Variants in DDX47 observed in about 807,000 individuals in gnomAD.
The protein encoded by DDX47 is probable ATP-dependent RNA helicase DDX47.
Under a neutral mutation model 58.8 loss-of-function variants are expected in DDX47, and 60 were observed. The ratio of observed to expected loss-of-function variants is 1.02; its 90% CI spans 0.83 to 1.26. The LOEUF (loss-of-function observed/expected upper bound fraction) is 1.26, where lower values mean the gene tolerates loss of function less well. Ranked by LOEUF, DDX47 falls within the 50% of genes most tolerant of loss-of-function variation. The probability of loss-of-function intolerance (pLI) is 0.00; values close to 1 mark genes in which losing one functional copy is unlikely to be tolerated. For synonymous variants in DDX47, 197 were observed against 204.6 expected, an observed-to-expected ratio of 0.96 and a Z score of 0.32; for missense variants, 530 against 573.2, an observed-to-expected ratio of 0.92 and a Z score of 0.77.
intron 11 of DDX47, among the ~76,000 whole-genome samples, chr12:12,827,627 G>A (rs1829556369): frequency 6.6e-6 from 1 of 152,158 alleles, no homozygotes; most frequent in African/African-American, 2.4e-5. Context: ...CACGTGGTGA[G>A]ATAGTTCATC....
intron 10 of DDX47, among the ~76,000 whole-genome samples, chr12:12,826,634 G>C (rs1863056336): frequency 6.6e-6 from 1 of 152,104 alleles, no homozygotes; most frequent in Non-Finnish European, 1.5e-5. Flanking sequence ...ATTTTTAGTA[G>C]AGATAGGGTT....
chr12:12,817,979 C>T (rs1433567100), intron 2 of DDX47, among the ~76,000 whole-genome samples: 1 of 152,194 alleles, frequency 6.6e-6, no homozygotes, highest in South Asian at 2.1e-4. Context: ...AAAAAAAGGA[C>T]AAATCCTAGT....
chr12:12,820,901 C>T lies in DDX47; in HGVS notation c.182-307C>T, dbSNP rs1592322570. The T allele has an allele frequency of 8.0e-6, 3 of 373,436 alleles. No individual in the cohort carries two copies. In the East Asian group the frequency reaches 2.0e-4, roughly 24 times the overall value. 23.1% of individuals were successfully genotyped at this position (373,436 alleles called of 1,614,324 possible). A position where few individuals can be genotyped will look rare whatever the true frequency, so the allele number is the denominator to read the frequency against. On this transcript the variant is annotated intron_variant, in intron 2 of 11. Transcript: ENST00000358007. ...TCCAGTTTTAACTCACTTATCACCT[C>T]TGTTAGCCTTTTCTGACTCTTCTGG...
Position 12,824,631 on chromosome 12 carries a change from C to T in DDX47, c.989C>T (p.Pro330Leu). Reference sequence around the variant, plus strand: ...GTTGCCAGCCGAGGTTTGGACATACCTCATGTAGATGTGGTTGTCAACTTT... The same window carrying T: ...GTTGCCAGCCGAGGTTTGGACATACTTCATGTAGATGTGGTTGTCAACTTT... ...TDVASRGLDIPHVDVVVNFDI... is the reference protein window; with the variant it reads ...TDVASRGLDILHVDVVVNFDI... Residue 330 changes from proline to leucine, a missense_variant, in exon 9 of 12, where the codon CCT (proline) becomes CTT (leucine). Transcript: ENST00000358007. The T allele has an allele frequency of 1.9e-6, 3 of 1,614,210 alleles. No homozygotes were observed. The highest frequency in any genetic ancestry group is 2.5e-6 in the Non-Finnish European group (3 of 1,180,026).
chr12:12,825,891 G>A, intron 9 of DDX47, 109 bp from the exon 10 acceptor site: 6 of 788,498 alleles, frequency 7.6e-6, no homozygotes, highest in South Asian at 4.3e-5. Flanking sequence ...TCCATGTTAC[G>A]AAATGAATCT....
chr12:12,826,584 A>G (rs2136425870), intron 10 of DDX47, among the ~76,000 whole-genome samples: 1 of 152,062 alleles, frequency 6.6e-6, no homozygotes, highest in African/African-American at 2.4e-5. Context: ...AGTAGCTGGG[A>G]CCACAGGTGC....
At chr12:12,817,596 A>G (rs1377339087) in intron 2 of DDX47, among the ~76,000 whole-genome samples, 1 of 152,212 alleles carries the variant, frequency 6.6e-6, no homozygotes, top group African/African-American at 2.4e-5. Flanking sequence ...GGAATTTCAA[A>G]CAATTTATTA....
chr12:12,821,611 A>G, intron 3 of DDX47, 44 bp from the exon 4 acceptor site: 3 of 1,589,892 alleles, frequency 1.9e-6, no homozygotes, highest in Admixed American at 1.7e-5. Flanking sequence ...TGGACTGTGG[A>G]AAAAATTAAG....
chr12:12,823,225 C>T lies in DDX47; in HGVS notation c.656C>T (p.Ala219Val), dbSNP rs763099966. The T allele has an allele frequency of 1.9e-6, 3 of 1,613,650 alleles. No individual in the cohort carries two copies. Among genetic ancestry groups the T allele is most frequent in the Non-Finnish European group, 2.5e-6 (3 of 1,179,534 alleles). Residue 219 changes from alanine (A) to valine (V), a missense_variant, in exon 7 of 12, where the codon GCT becomes GTT. Ala to Val is a moderately conservative substitution (Grantham distance 64). Transcript: ENST00000358007. ...CAGGTTCAAAAACTTCAGCGAGCAG[C>T]TCTGAAGAATCCTGTGAAATGTGCC... Reference protein sequence around the residue: ...TKKVQKLQRAALKNPVKCAVS... With the variant: ...TKKVQKLQRAVLKNPVKCAVS...
intron 6 of DDX47, 97 bp downstream of exon 6, chr12:12,822,829 T>G (rs1451938557): frequency 9.7e-7 from 1 of 1,031,184 alleles, no homozygotes; most frequent in African/African-American, 1.6e-5. Context: ...TTTAGTCCGT[T>G]TTCACACTGC....
At position 12,829,626 on chromosome 12, in the gene DDX47, G is replaced by T. The variant is rs1863102824; in HGVS notation, c.*72G>T. ...GGAGAATGAAACCTGCTCCAACAGAGATCATGAGACTGAAATTGGTCAGAA... is the reference window on the plus strand; with the variant it reads ...GGAGAATGAAACCTGCTCCAACAGATATCATGAGACTGAAATTGGTCAGAA... On this transcript the variant is annotated 3_prime_UTR_variant, in exon 12 of 12. Transcript: ENST00000358007. 6.5e-7 allele frequency: 1 copy of T among 1,540,850 alleles called. No individual in the cohort carries two copies. The highest frequency in any genetic ancestry group is 1.2e-5 in the South Asian group (1 of 80,138).
At position 12,826,970 on chromosome 12, in the gene DDX47, T is replaced by C. The variant is rs1863060672; in HGVS notation, c.1107-276T>C. The stretch of plus-strand genomic sequence containing the variant: ...TGGCATCTCACTGTGTTGTCCAGGC[T>C]GGTCTGGAACTCCTGGTCTCAAGTG... On this transcript the variant is annotated intron_variant, in intron 10 of 11. Transcript: ENST00000358007. Among the ~76,000 whole-genome samples the C allele has an allele frequency of 3.9e-5, 6 of 152,184 alleles. No homozygotes were observed. In the South Asian group the frequency reaches 1.2e-3, roughly 31 times the overall value.
intron 3 of DDX47, 52 bp from the exon 4 acceptor site, chr12:12,821,603 G>T: frequency 2.6e-6 from 4 of 1,560,366 alleles, no homozygotes; most frequent in Non-Finnish European, 3.5e-6. Flanking sequence ...ATGTTCAGTG[G>T]ACTGTGGAAA....
intron 2 of DDX47, among the ~76,000 whole-genome samples, chr12:12,815,883 C>T (rs746172026): frequency 1.3e-5 from 2 of 152,116 alleles, no homozygotes; most frequent in East Asian, 1.9e-4. Flanking sequence ...AATCTCATAG[C>T]TGTGAAAGAT....
Position 12,829,472 on chromosome 12 carries a change from G to A in DDX47, c.1286G>A (p.Gly429Glu). The A allele has an allele frequency of 6.2e-7, 1 of 1,613,890 alleles. No individual in the cohort carries two copies. Among genetic ancestry groups the A allele is most frequent in the Admixed American group, 1.7e-5 (1 of 59,980 alleles). The change falls in exon 12 of 12, where the codon GGA (glycine) becomes GAA (glutamate). Residue 429 changes from glycine to glutamate, a missense_variant. By Grantham distance (98) the Gly-to-Glu change is moderately conservative. Transcript: ENST00000358007. ...AAGAAACGCTCGCGAGAGGATGCTG[G>A]AGATAATGATGACACAGAGGGTGCT... The part of the protein sequence containing the change: ...EKKKRSREDA[G>E]DNDDTEGAIG...
intron 4 of DDX47, 47 bp from the exon 5 acceptor site, chr12:12,821,918 T>C (rs528402003): frequency 2.3e-6 from 3 of 1,328,984 alleles, no homozygotes; most frequent in Non-Finnish European, 3.2e-6. Context: ...GTTTTTTTTT[T>C]GTCCTGTTCT....
intron 2 of DDX47, chr12:12,814,703 A>G (rs773248603): frequency 7.6e-5 from 12 of 157,360 alleles, no homozygotes; most frequent in Non-Finnish European, 1.7e-4. Context: ...TTTTTTTGAG[A>G]TAGAGTTTCG....
intron 11 of DDX47, among the ~76,000 whole-genome samples, chr12:12,829,037 T>C (rs909689276): frequency 2.0e-5 from 3 of 152,206 alleles, no homozygotes; most frequent in African/African-American, 7.2e-5. Context: ...AGAAGTACAC[T>C]TGTTGGGCCA....
chr12:12,820,874 C>G, intron 2 of DDX47: 1 of 302,794 alleles, frequency 3.3e-6, no homozygotes, highest in Non-Finnish European at 6.2e-6. Context: ...TCTTTGCTTA[C>G]TTCCAGTTTT....
Sources: allele counts gnomAD v4.1 joint callset (sites outside exome capture counted in the v4.1 genomes callset), GRCh38; gene constraint gnomAD v4.1.1; transcripts MANE v1.5; gene names NCBI Gene and HGNC (gene_info 2026-07-23, HGNC 2026-07-21).